The following IQCE variants were observed in gnomAD, a reference collection of about 807,000 sequenced individuals.
IQCE encodes the protein IQ domain-containing protein E.
IQCE carries 115 observed loss-of-function variants against 96.0 expected under a neutral mutation model. The ratio of observed to expected loss-of-function variants is 1.20; its 90% confidence interval spans 1.03 to 1.40. The LOEUF (loss-of-function observed/expected upper bound fraction) is 1.40. Ranked by LOEUF, IQCE falls within the 40% of genes most tolerant of loss-of-function variation. The pLI, the probability that IQCE is intolerant of heterozygous loss-of-function variation, is 0.00. For synonymous variants in IQCE, 412 were observed against 371.2 expected (o/e 1.11, Z -1.26); for missense variants, 1,041 against 909.1 (o/e 1.15, Z -1.87).
intron 13 of IQCE, among the ~76,000 whole-genome samples, chr7:2,589,239 A>G (rs1783383421): frequency 6.6e-6 from 1 of 152,042 alleles, no homozygotes; most frequent in African/African-American, 2.4e-5. Flanking sequence ...GTGGTGGTGC[A>G]CACCTGTATT....
At chr7:2,575,831 G>A (rs891067069) in intron 6 of IQCE, among the ~76,000 whole-genome samples, 8 of 152,134 alleles carry the variant, frequency 5.3e-5, no homozygotes, top group African/African-American at 1.7e-4. Context: ...GCTCCCTGCC[G>A]TGTCGATCGC....
rs891794982 is a variant in IQCE at position 2,578,888 on chromosome 7, C to G, written c.630+362C>G. 2.6e-5 allele frequency among the ~76,000 whole-genome samples: 4 copies of G among 152,292 alleles called. No individual in the cohort carries two copies. The South Asian group carries it at 8.3e-4, about 32-fold the overall frequency. On this transcript the variant is annotated intron_variant, in intron 8 of 21. Transcript: ENST00000402050. The stretch of plus-strand genomic sequence containing the variant: ...CCAGCCTTGCCAACGTTGTGAAACC[C>G]TGTCTCTACTAAAAATACAAAAAAG...
rs150627300 is a variant in IQCE, at chr7:2,571,602, C to T, written c.207C>T (p.Gly69=). 1.4e-4 allele frequency: 231 copies of T among 1,602,360 alleles called. No homozygotes were observed. Among genetic ancestry groups the T allele is most frequent in the Non-Finnish European group, 1.8e-4 (214 of 1,179,942 alleles). The part of the protein sequence containing the change: ...SLRTAGSMPL[G]GRASLTPQKL... The stretch of plus-strand genomic sequence containing the variant: ...GGACGGCAGGGAGCATGCCTCTGGG[C>T]GGCCGAGCGTCCCTGACCCCGCAGA... Residue 69 remains glycine (G), a synonymous_variant, in exon 4 of 22, where the codon GGC becomes GGT. Transcript: ENST00000402050.
At chr7:2,596,229 A>G (rs2128464514) in intron 16 of IQCE, among the ~76,000 whole-genome samples, 1 of 152,186 alleles carries the variant, frequency 6.6e-6, no homozygotes, top group South Asian at 2.1e-4. Flanking sequence ...GCTGCACTCC[A>G]TCCCGGGCCA....
intron 8 of IQCE, among the ~76,000 whole-genome samples, chr7:2,581,876 A>AT (rs968272284): frequency 2.7e-5 from 4 of 150,660 alleles, no homozygotes; most frequent in Admixed American, 1.3e-4. Flanking sequence ...CGCCTGGCTA[A>AT]TTTTTTTTTG....
rs1430066121 is a variant in IQCE, at chr7:2,607,108, TTC to T, written c.1866-14_1866-13del. The T allele has an allele frequency of 6.3e-7, 1 of 1,579,946 alleles. No individual in the cohort carries two copies. On this transcript the variant is annotated splice_polypyrimidine_tract_variant and intron_variant, in intron 20 of 21. Coordinates refer to ENST00000402050, the MANE Select transcript of IQCE (RefSeq NM_152558.5). ...TCTAAAAGCAGAATCAGCTGGCGTT[TTC>T]TGTTTTTTTCCAGTGCTACCGGTAA...
intron 3 of IQCE, among the ~76,000 whole-genome samples, chr7:2,571,138 C>T (rs902729653): frequency 2.6e-5 from 4 of 152,208 alleles, no homozygotes; most frequent in South Asian, 2.1e-4. Context: ...CTGCCTCAGC[C>T]CCCTTGAGTA....
intron 6 of IQCE, among the ~76,000 whole-genome samples, chr7:2,575,433 GC>G (rs1294753953): frequency 2.0e-5 from 3 of 152,248 alleles, no homozygotes; most frequent in African/African-American, 7.2e-5. Flanking sequence ...GGAGGGAAGG[GC>G]CACCTGTACT....
At chr7:2,582,362 C>T (rs1782740888) in intron 8 of IQCE, among the ~76,000 whole-genome samples, 1 of 152,222 alleles carries the variant, frequency 6.6e-6, no homozygotes, top group African/African-American at 2.4e-5. Flanking sequence ...CCTCCTGCTC[C>T]AGCCGGTGTC....
chr7:2,594,544 G>A lies in IQCE; in HGVS notation c.1350-342G>A, dbSNP rs114407303. On this transcript the variant is annotated intron_variant, in intron 15 of 21. Transcript: ENST00000402050. ...TAGAGGGTTGGGATCACAGGCGTCC[G>A]GCCTGGCCTCCTACTTACTTATCAT... Among the ~76,000 whole-genome samples the A allele has an allele frequency of 3.7e-3, 560 of 152,324 alleles. 7 individuals are homozygous for A. The highest frequency in any genetic ancestry group is 0.013 in the African/African-American group (525 of 41,576).
At chr7:2,582,717 T>C (rs1286413122) in intron 9 of IQCE, 67 bp downstream of exon 9, 18 of 1,420,484 alleles carry the variant, frequency 1.3e-5, no homozygotes, top group South Asian at 9.6e-5. Flanking sequence ...GACGCCCGCC[T>C]TTGTTCCTCC....
intron 6 of IQCE, among the ~76,000 whole-genome samples, chr7:2,576,006 C>A (rs1200611194): frequency 1.3e-5 from 2 of 152,242 alleles, no homozygotes; most frequent in Admixed American, 1.3e-4. Context: ...GAGCTCCCAT[C>A]TTCCTTGACT....
At chr7:2,587,408 G>C (rs981224443) in intron 12 of IQCE, among the ~76,000 whole-genome samples, 2 of 151,894 alleles carry the variant, frequency 1.3e-5, no homozygotes, top group African/African-American at 4.8e-5. Context: ...GGCGGTATAT[G>C]GGGGAGGCGA....
At chr7:2,578,581 C>T (rs562988183) in intron 8 of IQCE, 55 bp downstream of exon 8, 16 of 1,571,986 alleles carry the variant, frequency 1.0e-5, no homozygotes, top group South Asian at 1.0e-4. Flanking sequence ...TTACTGGGGA[C>T]AGCCACAGAG....
chr7:2,598,368 C>CA (rs1473344993), intron 16 of IQCE, 97 bp from the exon 17 acceptor site: 3 of 1,240,778 alleles, frequency 2.4e-6, no homozygotes, highest in East Asian at 4.9e-5. Context: ...CTGATAAGCG[C>CA]AGCCGCACCA....
intron 18 of IQCE, among the ~76,000 whole-genome samples, chr7:2,603,865 T>G (rs550514513): frequency 6.6e-6 from 1 of 152,052 alleles, no homozygotes; most frequent in Non-Finnish European, 1.5e-5. Flanking sequence ...CTTGTCATTC[T>G]TCTAACGAGT....
chr7:2,607,632 T>G, intron 21 of IQCE: 1 of 953,722 alleles, frequency 1.0e-6, no homozygotes, highest in South Asian at 4.4e-5. Flanking sequence ...CACCCTGGTG[T>G]GAGGCCTCAT....
At chr7:2,588,335 G>GTTTTGT (rs958762147) in intron 13 of IQCE, among the ~76,000 whole-genome samples, 1 of 151,862 alleles carries the variant, frequency 6.6e-6, no homozygotes, top group East Asian at 1.9e-4. Context: ...TTGGACCTTT[G>GTTTTGT]TTTTGTTTTT....
At position 2,580,821 on chromosome 7, in the gene IQCE, T is replaced by C. The variant is rs1257700545; in HGVS notation, c.631-1759T>C. ...CTCCCTGAATGCACACACACGGCCA[T>C]GCACAGAACCAGGTGCTGAGGGGCA... On this transcript the variant is annotated intron_variant, in intron 8 of 21. Transcript: ENST00000402050. Among the ~76,000 whole-genome samples the C allele has an allele frequency of 5.9e-5, 9 of 152,300 alleles. No individual in the cohort carries two copies. The East Asian group carries it at 1.3e-3, about 23-fold the overall frequency.
Sources: allele counts gnomAD v4.1 joint callset (sites outside exome capture counted in the v4.1 genomes callset), GRCh38; gene constraint gnomAD v4.1.1; transcripts MANE v1.5; gene names NCBI Gene and HGNC (gene_info 2026-07-23, HGNC 2026-07-21).